The following MALRD1 variants were observed in gnomAD, a reference collection of about 807,000 sequenced individuals.
The protein encoded by MALRD1 is MAM and LDL receptor class A domain containing 1, also known as MAM and LDL-receptor class A domain-containing protein 1.
Under a neutral mutation model 242.1 loss-of-function variants are expected in MALRD1, and 247 were observed. The ratio of observed to expected loss-of-function variants is 1.02; its 90% CI spans 0.92 to 1.13. The LOEUF is 1.13. Ranked by LOEUF, MALRD1 falls within the 50% of genes most tolerant of loss-of-function variation. The probability of loss-of-function intolerance (pLI) is 0.00; values close to 1 mark genes in which losing one functional copy is unlikely to be tolerated. For missense variants in MALRD1, 2,989 were observed against 2,533.1 expected (o/e 1.18, Z -3.86); for synonymous variants, 995 against 866.6 (o/e 1.15, Z -2.60).
intron 26 of MALRD1, among the ~76,000 whole-genome samples, chr10:19,378,374 C>T (rs1166489267): frequency 6.6e-6 from 1 of 152,134 alleles, no homozygotes; most frequent in African/African-American, 2.4e-5. Flanking sequence ...AAAACCCCTT[C>T]TATACCACTG....
At chr10:19,109,404 A>T (rs1836594677) in intron 5 of MALRD1, among the ~76,000 whole-genome samples, 1 of 152,100 alleles carries the variant, frequency 6.6e-6, no homozygotes, top group African/African-American at 2.4e-5. Flanking sequence ...ACACACAAGG[A>T]TGCATGAGGA....
intron 21 of MALRD1, among the ~76,000 whole-genome samples, chr10:19,301,485 A>G (rs1841947916): frequency 6.6e-6 from 1 of 151,916 alleles, no homozygotes; most frequent in South Asian, 2.1e-4. Context: ...AACAGCAGAC[A>G]GGATAGAGAA....
intron 18 of MALRD1, among the ~76,000 whole-genome samples, chr10:19,224,061 C>A (rs1837677235): frequency 1.3e-5 from 2 of 152,018 alleles, no homozygotes; most frequent in Non-Finnish European, 2.9e-5. Flanking sequence ...TGGATGTGTA[C>A]CTAGTAATGA....
intron 36 of MALRD1, among the ~76,000 whole-genome samples, chr10:19,684,129 T>C (rs562157208): frequency 6.6e-6 from 1 of 152,304 alleles, no homozygotes; most frequent in African/African-American, 2.4e-5. Context: ...TTCTTTTTTA[T>C]GTCTGCATAT....
chr10:19,072,762 T>C (rs2131260170), intron 2 of MALRD1, among the ~76,000 whole-genome samples: 2 of 152,268 alleles, frequency 1.3e-5, no homozygotes, highest in Admixed American at 1.3e-4. Flanking sequence ...TATTTAAACA[T>C]GTATCTGAAC....
chr10:19,541,504 A>C (rs1336255866), intron 32 of MALRD1, among the ~76,000 whole-genome samples: 1 of 152,236 alleles, frequency 6.6e-6, no homozygotes, highest in Non-Finnish European at 1.5e-5. Flanking sequence ...GTACAATATG[A>C]CACGAGTAAT....
intron 32 of MALRD1, among the ~76,000 whole-genome samples, chr10:19,551,767 C>T (rs1170281092): frequency 6.6e-6 from 1 of 152,024 alleles, no homozygotes; most frequent in Non-Finnish European, 1.5e-5. Flanking sequence ...TATATTCCTT[C>T]AATATCTAGT....
At chr10:19,722,089 C>G (rs1834787081) in intron 38 of MALRD1, 1 of 152,190 alleles carries the variant, frequency 6.6e-6, no homozygotes, top group African/African-American at 2.4e-5. Flanking sequence ...GTTATTCTTT[C>G]TACAAACATT....
chr10:19,276,843 T>C (rs1044196825), intron 19 of MALRD1, among the ~76,000 whole-genome samples: 2 of 152,108 alleles, frequency 1.3e-5, no homozygotes, highest in African/African-American at 2.4e-5. Flanking sequence ...GGTGTTGTCA[T>C]TGGCTTTCTA....
At chr10:19,048,724 C>T (rs989696465), upstream of MALRD1, 10 of 362,830 alleles carry the variant, frequency 2.8e-5, no homozygotes, top group Non-Finnish European at 4.4e-5. Context: ...AAAGAACCAG[C>T]GTAATTACTC....
At chr10:19,062,022 A>G (rs1834836772) in intron 1 of MALRD1, among the ~76,000 whole-genome samples, 1 of 152,180 alleles carries the variant, frequency 6.6e-6, no homozygotes, top group Non-Finnish European at 1.5e-5. Context: ...CAAATCATAC[A>G]TCTGATAAAA....
chr10:19,609,496 G>A (rs556166193), intron 35 of MALRD1, among the ~76,000 whole-genome samples: 27 of 151,992 alleles, frequency 1.8e-4, no homozygotes, highest in African/African-American at 6.5e-4. Flanking sequence ...TTCTTTTAAG[G>A]TCAGCATTTA....
At chr10:19,471,699 T>A (rs1836507282) in intron 29 of MALRD1, among the ~76,000 whole-genome samples, 1 of 151,256 alleles carries the variant, frequency 6.6e-6, no homozygotes, top group African/African-American at 2.4e-5. Context: ...TGGGTTTGTT[T>A]GCCTAATTTC....
chr10:19,181,679 CAGATTTG>C (rs969899144), intron 14 of MALRD1, among the ~76,000 whole-genome samples: 2 of 151,882 alleles, frequency 1.3e-5, no homozygotes, highest in Non-Finnish European at 2.9e-5. Flanking sequence ...CAGTTAATAA[CAGATTTG>C]AGATTTGAGA....
intron 26 of MALRD1, among the ~76,000 whole-genome samples, chr10:19,359,344 C>A (rs556275219): frequency 6.6e-6 from 1 of 152,110 alleles, no homozygotes; most frequent in Non-Finnish European, 1.5e-5. Context: ...TCACCCCAAA[C>A]ACACTAGACT....
chr10:19,572,955 A>C (rs1836635838), intron 33 of MALRD1, among the ~76,000 whole-genome samples: 1 of 152,188 alleles, frequency 6.6e-6, no homozygotes, highest in Non-Finnish European at 1.5e-5. Flanking sequence ...GGAAGCATAA[A>C]TGTCTGGTGT....
At chr10:19,377,537 A>G (rs1845661074) in intron 26 of MALRD1, among the ~76,000 whole-genome samples, 1 of 152,110 alleles carries the variant, frequency 6.6e-6, no homozygotes, top group South Asian at 2.1e-4. Context: ...TGAGGTTATT[A>G]AACAGAACTA....
At chr10:19,708,714 T>C (rs1833976251) in intron 38 of MALRD1, among the ~76,000 whole-genome samples, 1 of 122,062 alleles carries the variant, frequency 8.2e-6, no homozygotes, top group African/African-American at 2.6e-5. Flanking sequence ...CAGGCTGGAG[T>C]GCAGAGGCAC....
chr10:19,708,076 A>G (rs1172565709), intron 38 of MALRD1, among the ~76,000 whole-genome samples: 1 of 120,962 alleles, frequency 8.3e-6, no homozygotes. Context: ...AGCAAGCATC[A>G]AAGATGATCC....
Sources: gnomAD v4.1 joint callset for allele counts (sites outside exome capture counted in the v4.1 genomes callset) on GRCh38, gnomAD v4.1.1 for gene constraint, MANE v1.5 for transcripts, NCBI Gene and HGNC (gene_info 2026-07-23, HGNC 2026-07-21) for gene names.